EGFR: variants seen among roughly 807,000 people sequenced by gnomAD.
EGFR encodes the protein avian erythroblastic leukemia viral (v-erb-b) oncogene homolog.
In EGFR, 58 loss-of-function variants were observed where a neutral mutation model predicts 143.0. The ratio of observed to expected loss-of-function variants is 0.41; its 90% CI spans 0.33 to 0.50. The LOEUF is 0.50. Ranked by LOEUF, EGFR falls within the 20% of genes least tolerant of loss-of-function variation. The pLI, the probability that EGFR is intolerant of heterozygous loss-of-function variation, is 0.39. For missense variants in EGFR, 1,307 were observed against 1,579.0 expected (o/e 0.83, Z 2.92); for synonymous variants, 613 against 594.4 (o/e 1.03, Z -0.45).
At chr7:55,056,422 T>C (rs1788822583) in intron 1 of EGFR, among the ~76,000 whole-genome samples, 1 of 152,230 alleles carries the variant, frequency 6.6e-6, no homozygotes, top group Non-Finnish European at 1.5e-5. Flanking sequence ...TACTTCCTGC[T>C]CTTCTCAACA....
At chr7:55,094,747 G>A (rs576196199) in intron 1 of EGFR, among the ~76,000 whole-genome samples, 1 of 152,232 alleles carries the variant, frequency 6.6e-6, no homozygotes, top group Non-Finnish European at 1.5e-5. Flanking sequence ...TGCTTTAGGT[G>A]TATTTCTATA....
chr7:55,126,051 C>T (rs1330347809), intron 1 of EGFR, among the ~76,000 whole-genome samples: 1 of 152,276 alleles, frequency 6.6e-6, no homozygotes, highest in East Asian at 1.9e-4. Flanking sequence ...AGGTCCCCTG[C>T]CCCCAACTCT....
At position 55,192,753 on chromosome 7, in the gene EGFR, T is replaced by C; in HGVS notation, c.2626-13T>C. 6.2e-7 allele frequency: 1 copy of C among 1,613,348 alleles called. No individual in the cohort carries two copies. The highest frequency in any genetic ancestry group is 1.1e-5 in the South Asian group (1 of 91,060). On this transcript the variant is annotated splice_polypyrimidine_tract_variant and intron_variant, in intron 21 of 27. Transcript: ENST00000275493. Reference sequence around the variant, plus strand: ...AATAGTTGTCTCACTGCCTCATCTCTCACCATCCCAAGGTGCCTATCAAGT... The same window carrying C: ...AATAGTTGTCTCACTGCCTCATCTCCCACCATCCCAAGGTGCCTATCAAGT...
intron 1 of EGFR, among the ~76,000 whole-genome samples, chr7:55,052,892 A>G (rs1444232246): frequency 1.3e-5 from 2 of 152,090 alleles, no homozygotes; most frequent in Non-Finnish European, 2.9e-5. Context: ...ACTCATCTTG[A>G]CTTCTTTTTC....
intron 27 of EGFR, among the ~76,000 whole-genome samples, chr7:55,204,618 A>G (rs1177840069): frequency 3.4e-5 from 5 of 145,418 alleles, no homozygotes; most frequent in Admixed American, 2.1e-4. Context: ...CACCACACAC[A>G]CACCACAGAC....
chr7:55,119,301 C>T (rs975259230), intron 1 of EGFR: 1 of 152,246 alleles, frequency 6.6e-6, no homozygotes. Flanking sequence ...AGCCTTGGAA[C>T]TGGATGTCAG....
At chr7:55,111,321 G>A (rs1044625409) in intron 1 of EGFR, among the ~76,000 whole-genome samples, 2 of 151,802 alleles carry the variant, frequency 1.3e-5, no homozygotes, top group African/African-American at 4.8e-5. Context: ...ACCGGTTTCA[G>A]AGCAGCTGCC....
intron 1 of EGFR, among the ~76,000 whole-genome samples, chr7:55,025,799 C>T (rs1413473565): frequency 2.6e-5 from 4 of 152,260 alleles, no homozygotes; most frequent in Non-Finnish European, 5.9e-5. Context: ...CTGCTATAGT[C>T]AGCAGCTGAT....
At chr7:55,125,682 G>A (rs950039036) in intron 1 of EGFR, among the ~76,000 whole-genome samples, 10 of 152,274 alleles carry the variant, frequency 6.6e-5, no homozygotes, top group Admixed American at 2.6e-4. Flanking sequence ...CTTTCCCCAC[G>A]GAGACGTCTT....
At chr7:55,019,936 G>T (rs1277717498) in intron 1 of EGFR, among the ~76,000 whole-genome samples, 2 of 152,172 alleles carry the variant, frequency 1.3e-5, no homozygotes, top group Non-Finnish European at 2.9e-5. Flanking sequence ...TCCGCCCTCC[G>T]CGCAGGTCTC....
intron 20 of EGFR, among the ~76,000 whole-genome samples, chr7:55,183,673 C>A (rs988922355): frequency 3.9e-5 from 6 of 152,248 alleles, no homozygotes; most frequent in African/African-American, 1.4e-4. Flanking sequence ...GAGCACTGCC[C>A]TCCTTGCCCA....
chr7:55,112,488 G>C (rs755980991), intron 1 of EGFR, among the ~76,000 whole-genome samples: 2 of 152,254 alleles, frequency 1.3e-5, no homozygotes, highest in Admixed American at 6.5e-5. Flanking sequence ...ACATCGCCTA[G>C]ACATGGCCTC....
chr7:55,146,770 T>C, intron 4 of EGFR, 30 bp downstream of exon 4: 2 of 1,613,942 alleles, frequency 1.2e-6, no homozygotes, highest in Non-Finnish European at 1.7e-6. Context: ...TATCTCTGCC[T>C]CCAGCTCCTA....
intron 1 of EGFR, among the ~76,000 whole-genome samples, chr7:55,122,643 T>C (rs1377933560): frequency 6.6e-6 from 1 of 152,234 alleles, no homozygotes; most frequent in East Asian, 1.9e-4. Context: ...TCTGTTCCCT[T>C]TGCCCTTTCT....
At position 55,181,275 on chromosome 7, in the gene EGFR, G is replaced by T. The variant is rs765125741; in HGVS notation, c.2284-18G>T. ...CCACCATGCGAAGCCACACTGACGT[G>T]CCTCTCCCTCCCTCCAGGAAGCCTA... On this transcript the variant is annotated intron_variant, in intron 19 of 27. Transcript: ENST00000275493. 6.2e-7 allele frequency: 1 copy of T among 1,613,884 alleles called. No individual in the cohort carries two copies. Among genetic ancestry groups the T allele is most frequent in the South Asian group, 1.1e-5 (1 of 91,072 alleles).
intron 1 of EGFR, among the ~76,000 whole-genome samples, chr7:55,123,043 G>A (rs1352072441): frequency 6.6e-6 from 1 of 152,236 alleles, no homozygotes; most frequent in Non-Finnish European, 1.5e-5. Flanking sequence ...ATTTTAGAAG[G>A]ATGACCAGGC....
intron 27 of EGFR, among the ~76,000 whole-genome samples, chr7:55,203,698 C>T (rs369443966): frequency 7.5e-5 from 11 of 146,646 alleles, no homozygotes; most frequent in South Asian, 4.5e-4. Context: ...CACACATACA[C>T]GCACCACACA....
At chr7:55,091,786 A>G (rs56242229) in intron 1 of EGFR, among the ~76,000 whole-genome samples, 28,824 of 151,154 alleles carry the variant, frequency 0.19, 3,169 homozygotes, top group African/African-American at 0.28. Flanking sequence ...ACTCACACTC[A>G]GAGGATTTCA....
intron 1 of EGFR, among the ~76,000 whole-genome samples, chr7:55,089,783 G>A (rs1204276839): frequency 6.6e-6 from 1 of 152,040 alleles, no homozygotes; most frequent in Non-Finnish European, 1.5e-5. Flanking sequence ...CGGAGCCCAT[G>A]TTTCTTTCCA....
Sources: allele counts gnomAD v4.1 joint callset (sites outside exome capture counted in the v4.1 genomes callset), GRCh38; gene constraint gnomAD v4.1.1; transcripts MANE v1.5; gene names NCBI Gene and HGNC (gene_info 2026-07-23, HGNC 2026-07-21).